Variants in SIAH3 observed in about 807,000 individuals in gnomAD.
SIAH3 encodes the protein seven in absentia homolog 3.
In SIAH3, 9 loss-of-function variants were observed where a neutral mutation model predicts 12.6. The observed-to-expected ratio is 0.72, with a 90% CI of 0.43 to 1.25. The LOEUF (loss-of-function observed/expected upper bound fraction) is 1.25. SIAH3 is among the 50% of genes most tolerant of loss of function. SIAH3 has a pLI of 0.00. For synonymous variants in SIAH3, 154 were observed against 151.1 expected (o/e 1.02, Z -0.14); for missense variants, 390 against 365.4 (o/e 1.07, Z -0.55).
chr13:45,814,489 T>C (rs1390811546), intron 1 of SIAH3, among the ~76,000 whole-genome samples: 3 of 152,002 alleles, frequency 2.0e-5, no homozygotes, highest in Non-Finnish European at 2.9e-5. Context: ...TCTGGGAGGA[T>C]GAGCAAGAGC....
At chr13:45,813,024 G>T (rs115639880) in intron 1 of SIAH3, among the ~76,000 whole-genome samples, 175 of 152,366 alleles carry the variant, frequency 1.1e-3, no homozygotes, top group African/African-American at 4.0e-3. Context: ...AGGGAAGTGA[G>T]GGGGTGTCCT....
chr13:45,790,413 G>A (rs77588443), intron 1 of SIAH3, among the ~76,000 whole-genome samples: 8,338 of 152,116 alleles, frequency 0.055, 749 homozygotes, highest in African/African-American at 0.19. Flanking sequence ...TGACCAAGCC[G>A]GTCTTCTTAT....
At chr13:45,848,908 C>CT (rs545845059) in intron 1 of SIAH3, among the ~76,000 whole-genome samples, 3 of 152,324 alleles carry the variant, frequency 2.0e-5, no homozygotes, top group Admixed American at 2.0e-4. Context: ...AAAAGAAGGA[C>CT]TTTCCTCCTC....
intron 1 of SIAH3, among the ~76,000 whole-genome samples, chr13:45,845,753 T>C (rs938404698): frequency 3.9e-5 from 6 of 152,194 alleles, no homozygotes; most frequent in African/African-American, 1.4e-4. Flanking sequence ...GGGACTTTCA[T>C]CTTTCCCAAT....
At position 45,780,321 on chromosome 13, in the gene SIAH3, G is replaced by T. The variant is rs905859988; in HGVS notation, c.*3062C>A. On this transcript the variant is annotated 3_prime_UTR_variant, in exon 2 of 2. Coordinates refer to ENST00000400405, the MANE Select transcript of SIAH3 (RefSeq NM_198849.3). ...GTCTCACTCTGTTGCCCAGGCTGGA[G>T]TTACAAGTGGTGCAATCACAGCTCA... 2 of 151,754 alleles carry T rather than the reference G, an allele frequency of 1.3e-5. No individual in the cohort carries two copies. The highest frequency in any genetic ancestry group is 4.9e-5 in the African/African-American group (2 of 41,210). 9.4% of individuals were successfully genotyped at this position (151,754 alleles called of 1,614,324 possible). A position where few individuals can be genotyped will look rare whatever the true frequency, so the allele number is the denominator to read the frequency against.
At chr13:45,815,270 T>G (rs1362520696) in intron 1 of SIAH3, among the ~76,000 whole-genome samples, 2 of 152,006 alleles carry the variant, frequency 1.3e-5, no homozygotes, top group Non-Finnish European at 2.9e-5. Flanking sequence ...GGTGAACATT[T>G]AAGTCAGTAA....
chr13:45,792,962 G>T (rs946316996), intron 1 of SIAH3, among the ~76,000 whole-genome samples: 4 of 151,182 alleles, frequency 2.6e-5, no homozygotes. Flanking sequence ...TTTCATATCC[G>T]TAATTGGCAA....
At chr13:45,828,699 G>A (rs1950687739) in intron 1 of SIAH3, among the ~76,000 whole-genome samples, 1 of 152,168 alleles carries the variant, frequency 6.6e-6, no homozygotes, top group Non-Finnish European at 1.5e-5. Context: ...GGGGGCCCGA[G>A]GTGAAGTCCA....
At chr13:45,821,499 T>TA (rs1950655657) in intron 1 of SIAH3, among the ~76,000 whole-genome samples, 1 of 152,214 alleles carries the variant, frequency 6.6e-6, no homozygotes, top group Non-Finnish European at 1.5e-5. Context: ...CATTGGTTCT[T>TA]AAAGGCCTGA....
chr13:45,834,211 C>T (rs140515634), intron 1 of SIAH3, among the ~76,000 whole-genome samples: 2 of 152,320 alleles, frequency 1.3e-5, no homozygotes, highest in African/African-American at 4.8e-5. Flanking sequence ...AACTGGTTTT[C>T]TTAGCAGCAA....
chr13:45,830,597 T>A (rs2137576341), intron 1 of SIAH3, among the ~76,000 whole-genome samples: 1 of 152,326 alleles, frequency 6.6e-6, no homozygotes, highest in Non-Finnish European at 1.5e-5. Flanking sequence ...CCAAATTCAC[T>A]CTGAAGAGTT....
chr13:45,791,074 G>A (rs549978760), intron 1 of SIAH3, among the ~76,000 whole-genome samples: 15 of 152,028 alleles, frequency 9.9e-5, no homozygotes, highest in South Asian at 2.1e-4. Flanking sequence ...TGAGGTGGGC[G>A]GATCAGGTTA....
chr13:45,850,212 T>A (rs1470318374), intron 1 of SIAH3, among the ~76,000 whole-genome samples: 1 of 152,202 alleles, frequency 6.6e-6, no homozygotes, highest in Non-Finnish European at 1.5e-5. Flanking sequence ...CCCCCAGGAC[T>A]GGCCTTGGCA....
At chr13:45,820,321 G>A (rs1317355896) in intron 1 of SIAH3, among the ~76,000 whole-genome samples, 1 of 152,174 alleles carries the variant, frequency 6.6e-6, no homozygotes, top group Non-Finnish European at 1.5e-5. Context: ...AGGCTACCAT[G>A]CAGGTGAACC....
intron 1 of SIAH3, among the ~76,000 whole-genome samples, chr13:45,790,906 G>A (rs1040029322): frequency 6.6e-6 from 1 of 152,200 alleles, no homozygotes; most frequent in Admixed American, 6.5e-5. Flanking sequence ...TTATGGCCAG[G>A]TGCAGAGGCT....
intron 1 of SIAH3, among the ~76,000 whole-genome samples, chr13:45,816,105 G>A (rs1487211532): frequency 6.6e-6 from 1 of 152,218 alleles, no homozygotes; most frequent in Non-Finnish European, 1.5e-5. Context: ...AGGCACGATT[G>A]GAGCCCAGGC....
intron 1 of SIAH3, among the ~76,000 whole-genome samples, chr13:45,792,205 G>T (rs1950547681): frequency 6.6e-6 from 1 of 152,054 alleles, no homozygotes; most frequent in Admixed American, 6.5e-5. Context: ...TATTTCAGGG[G>T]TTGGGGTATA....
At chr13:45,846,057 T>C (rs1451101738) in intron 1 of SIAH3, among the ~76,000 whole-genome samples, 1 of 150,452 alleles carries the variant, frequency 6.6e-6, no homozygotes, top group Non-Finnish European at 1.5e-5. Context: ...TGTAGGAATA[T>C]AGATCTGATG....
intron 1 of SIAH3, among the ~76,000 whole-genome samples, chr13:45,832,617 T>C (rs1950703288): frequency 6.6e-6 from 1 of 152,238 alleles, no homozygotes; most frequent in African/African-American, 2.4e-5. Flanking sequence ...TTCCACCTCT[T>C]GGCTAGTGTG....
Sources: gnomAD v4.1 joint callset for allele counts (sites outside exome capture counted in the v4.1 genomes callset) on GRCh38, gnomAD v4.1.1 for gene constraint, MANE v1.5 for transcripts, NCBI Gene and HGNC (gene_info 2026-07-23, HGNC 2026-07-21) for gene names.